The following MAN1A2 variants were observed in gnomAD, a reference collection of about 807,000 sequenced individuals.
The protein encoded by MAN1A2 is mannosyl-oligosaccharide 1,2-alpha-mannosidase IB.
MAN1A2 carries 26 observed loss-of-function variants against 75.7 expected under a neutral mutation model. That is an observed-to-expected ratio of 0.34 (90% CI 0.25 to 0.48). The LOEUF is 0.48. Among genes scored for constraint, MAN1A2 ranks in the 20% least tolerant of loss-of-function variants. The pLI is 0.99. For synonymous variants in MAN1A2, 247 were observed against 264.6 expected, an observed-to-expected ratio of 0.93 and a Z score of 0.65; for missense variants, 562 against 775.5, an observed-to-expected ratio of 0.72 and a Z score of 3.27.
intron 12 of MAN1A2, chr1:117,515,233 C>G (rs539559410): frequency 6.4e-6 from 1 of 156,930 alleles, no homozygotes; most frequent in African/African-American, 2.4e-5. Context: ...TGTCATTATT[C>G]CCTAGGCAAT....
intron 1 of MAN1A2, among the ~76,000 whole-genome samples, chr1:117,370,279 G>T (rs1205185994): frequency 3.3e-5 from 5 of 152,168 alleles, no homozygotes; most frequent in African/African-American, 9.7e-5. Context: ...TGTGAGCCAT[G>T]CCCTGAGTTT....
intron 5 of MAN1A2, among the ~76,000 whole-genome samples, chr1:117,424,838 T>C (rs934371641): frequency 3.9e-5 from 6 of 152,186 alleles, no homozygotes; most frequent in Admixed American, 1.3e-4. Context: ...TTGGGTCTCA[T>C]CTTTTCCCCT....
At chr1:117,472,737 G>A (rs1650199455) in intron 8 of MAN1A2, among the ~76,000 whole-genome samples, 1 of 151,970 alleles carries the variant, frequency 6.6e-6, no homozygotes, top group South Asian at 2.1e-4. Context: ...CTTAGAGCAA[G>A]CTTGCCCAAC....
intron 1 of MAN1A2, among the ~76,000 whole-genome samples, chr1:117,384,869 G>A (rs541693935): frequency 6.6e-6 from 1 of 152,182 alleles, no homozygotes; most frequent in African/African-American, 2.4e-5. Context: ...GCTTCCTGTT[G>A]GTGGTACCTA....
At chr1:117,425,178 G>A (rs184850053) in intron 5 of MAN1A2, among the ~76,000 whole-genome samples, 212 of 137,174 alleles carry the variant, frequency 1.5e-3, no homozygotes, top group African/African-American at 5.2e-3. Context: ...GGAGGGAAGG[G>A]GGAAGGATCA....
chr1:117,524,993 A>T lies in MAN1A2; in HGVS notation c.*2036A>T. ...AAGTGAAAAACTTGAGTTGGCAAAG[A>T]TGCAGAGCAGCAGTGCAGATGGCAA... On this transcript the variant is annotated 3_prime_UTR_variant, in exon 13 of 13. Transcript: ENST00000356554. The T allele has an allele frequency of 2.5e-6, 1 of 401,782 alleles. No individual in the cohort carries two copies. Among genetic ancestry groups the T allele is most frequent in the Non-Finnish European group, 5.2e-6 (1 of 193,178 alleles). 24.9% of individuals were successfully genotyped at this position (401,782 alleles called of 1,614,324 possible). A position where few individuals can be genotyped will look rare whatever the true frequency, so the allele number is the denominator to read the frequency against.
At chr1:117,384,364 G>A (rs1393277499) in intron 1 of MAN1A2, among the ~76,000 whole-genome samples, 1 of 152,216 alleles carries the variant, frequency 6.6e-6, no homozygotes, top group Non-Finnish European at 1.5e-5. Flanking sequence ...TCTTTGACAT[G>A]TTGGTTAAGA....
intron 3 of MAN1A2, among the ~76,000 whole-genome samples, chr1:117,413,901 G>A (rs945610792): frequency 6.6e-6 from 1 of 151,818 alleles, no homozygotes; most frequent in Admixed American, 6.6e-5. Context: ...AACAAACCTA[G>A]TTTATTTAGG....
chr1:117,378,518 AG>A (rs1462723585), intron 1 of MAN1A2, among the ~76,000 whole-genome samples: 1 of 151,922 alleles, frequency 6.6e-6, no homozygotes, highest in African/African-American at 2.4e-5. Context: ...TTTAGTTTTT[AG>A]TTTTTTTTGT....
intron 4 of MAN1A2, 121 bp downstream of exon 4, chr1:117,414,952 G>A (rs753242486): frequency 3.9e-4 from 243 of 616,488 alleles, no homozygotes; most frequent in Non-Finnish European, 6.3e-4. Flanking sequence ...AATCACTAAT[G>A]TGACGGTACT....
chr1:117,372,648 A>C (rs951990940), intron 1 of MAN1A2, among the ~76,000 whole-genome samples: 15 of 152,214 alleles, frequency 9.9e-5, no homozygotes, highest in African/African-American at 3.6e-4. Context: ...TGCAGTACCC[A>C]AAACCAGAAG....
chr1:117,500,746 C>G (rs1297952465), intron 11 of MAN1A2, among the ~76,000 whole-genome samples: 2 of 151,806 alleles, frequency 1.3e-5, no homozygotes, highest in Non-Finnish European at 2.9e-5. Flanking sequence ...GAATTGGGAG[C>G]ACAGCTACTA....
At chr1:117,479,598 C>T (rs922142529) in intron 8 of MAN1A2, among the ~76,000 whole-genome samples, 1 of 151,908 alleles carries the variant, frequency 6.6e-6, no homozygotes, top group Non-Finnish European at 1.5e-5. Flanking sequence ...TCTGTAACCT[C>T]ACCAGCATTT....
At chr1:117,369,389 T>C (rs1316552480) in intron 1 of MAN1A2, among the ~76,000 whole-genome samples, 2 of 152,186 alleles carry the variant, frequency 1.3e-5, no homozygotes, top group Non-Finnish European at 2.9e-5. Context: ...TGCCATCTTT[T>C]CCTTGTTTCT....
At chr1:117,395,966 C>G (rs1484183005) in intron 1 of MAN1A2, among the ~76,000 whole-genome samples, 2 of 152,182 alleles carry the variant, frequency 1.3e-5, no homozygotes, top group African/African-American at 4.8e-5. Context: ...GTTGATCTGC[C>G]AGTGTCCTTT....
intron 12 of MAN1A2, among the ~76,000 whole-genome samples, chr1:117,520,856 G>A (rs150317211): frequency 3.5e-4 from 53 of 152,086 alleles, no homozygotes; most frequent in Non-Finnish European, 7.2e-4. Context: ...AGCCTACATA[G>A]CCAAGGCAAG....
chr1:117,518,847 T>C (rs1203816579), intron 12 of MAN1A2, among the ~76,000 whole-genome samples: 2 of 152,082 alleles, frequency 1.3e-5, no homozygotes. Context: ...TTAACAGATA[T>C]ATGCAGAACA....
In MAN1A2 at chr1:117,525,127, C is replaced by T. The variant is rs768664113; in HGVS notation, c.*2170C>T. 2.1e-5 allele frequency: 11 copies of T among 529,012 alleles called. No individual in the cohort carries two copies. Among genetic ancestry groups the T allele is most frequent in the African/African-American group, 1.7e-4 (9 of 51,834 alleles). The allele number at this position is 529,012 out of a possible 1,614,324, so 32.8% of individuals were successfully genotyped here. A position where few individuals can be genotyped will look rare whatever the true frequency, so the allele number is the denominator to read the frequency against. On this transcript the variant is annotated 3_prime_UTR_variant, in exon 13 of 13. Coordinates refer to ENST00000356554, the MANE Select transcript of MAN1A2 (RefSeq NM_006699.5). ...GATGAGGAGACAGAACCCCTACTTCCAAGTGCTCTATTTGTATTACCCAGA... is the reference window on the plus strand; with the variant it reads ...GATGAGGAGACAGAACCCCTACTTCTAAGTGCTCTATTTGTATTACCCAGA...
chr1:117,476,505 T>C (rs1184138291), intron 8 of MAN1A2, among the ~76,000 whole-genome samples: 1 of 152,106 alleles, frequency 6.6e-6, no homozygotes, highest in East Asian at 1.9e-4. Context: ...TAGGTTTAAG[T>C]CTTTAATCCA....
Sources: allele counts gnomAD v4.1 joint callset (sites outside exome capture counted in the v4.1 genomes callset), GRCh38; gene constraint gnomAD v4.1.1; transcripts MANE v1.5; gene names NCBI Gene and HGNC (gene_info 2026-07-23, HGNC 2026-07-21).